DLG2: variants seen among roughly 807,000 people sequenced by gnomAD.
The protein encoded by DLG2 is disks large homolog 2.
In DLG2, 45 loss-of-function variants were observed where a neutral mutation model predicts 132.5. That is an observed-to-expected ratio of 0.34 (90% CI 0.27 to 0.44). DLG2 has a LOEUF of 0.44. Ranked by LOEUF, DLG2 falls within the 20% of genes least tolerant of loss-of-function variation. The pLI is 1.00. For missense variants in DLG2, 1,045 were observed against 1,196.9 expected, an observed-to-expected ratio of 0.87 and a Z score of 1.87; for synonymous variants, 424 against 419.6, an observed-to-expected ratio of 1.01 and a Z score of -0.13.
intron 6 of DLG2, among the ~76,000 whole-genome samples, chr11:84,845,974 A>G (rs925251157): frequency 1.3e-5 from 2 of 151,692 alleles, no homozygotes; most frequent in African/African-American, 4.8e-5. Context: ...CAGGCCTGAT[A>G]TTTACTCTTT....
chr11:85,362,383 T>C (rs1016131859), intron 3 of DLG2, among the ~76,000 whole-genome samples: 2 of 152,228 alleles, frequency 1.3e-5, no homozygotes, highest in Non-Finnish European at 2.9e-5. Flanking sequence ...CTATTGTTAA[T>C]GAGATTGCCT....
chr11:85,105,409 A>T (rs1286042482), intron 6 of DLG2, among the ~76,000 whole-genome samples: 1 of 151,934 alleles, frequency 6.6e-6, no homozygotes, highest in Non-Finnish European at 1.5e-5. Context: ...AGAGCAACAT[A>T]TCTATTCTAT....
At chr11:84,835,360 C>T (rs1245861455) in intron 6 of DLG2, among the ~76,000 whole-genome samples, 1 of 151,590 alleles carries the variant, frequency 6.6e-6, no homozygotes, top group Non-Finnish European at 1.5e-5. Context: ...ATGATAGATG[C>T]AAATTTGGGT....
intron 3 of DLG2, among the ~76,000 whole-genome samples, chr11:85,451,173 T>A (rs1324351877): frequency 6.6e-6 from 1 of 152,182 alleles, no homozygotes. Context: ...ACCTACTTAT[T>A]ATTGTCAAAA....
At chr11:84,259,172 G>A (rs2097520385) in intron 7 of DLG2, among the ~76,000 whole-genome samples, 1 of 151,542 alleles carries the variant, frequency 6.6e-6, no homozygotes, top group African/African-American at 2.4e-5. Flanking sequence ...TTGGGAGGCT[G>A]AGGCAGGAGA....
At chr11:84,631,271 A>T (rs1363974289) in intron 6 of DLG2, among the ~76,000 whole-genome samples, 1 of 150,172 alleles carries the variant, frequency 6.7e-6, no homozygotes. Context: ...CATAAAAAAA[A>T]ATCTAATCCA....
At chr11:84,689,229 C>T (rs2057727930) in intron 6 of DLG2, among the ~76,000 whole-genome samples, 1 of 152,034 alleles carries the variant, frequency 6.6e-6, no homozygotes, top group Admixed American at 6.6e-5. Flanking sequence ...GTGACATTTA[C>T]TAGTATTTCT....
rs1327052416 is a variant in DLG2, at chr11:84,989,263, AC to A, written c.357+122397del. On this transcript the variant is annotated intron_variant, in intron 6 of 27. Transcript: ENST00000376104. ...TAATCTCAGCTCACTGCAACCTCTGACCCCCAGGTTCAAGCAATTCTCCTGT... is the reference window on the plus strand; with the variant it reads ...TAATCTCAGCTCACTGCAACCTCTGACCCCAGGTTCAAGCAATTCTCCTGT... Among the ~76,000 whole-genome samples the A allele has an allele frequency of 2.0e-5, 3 of 151,802 alleles. No individual in the cohort carries two copies. In the East Asian group the frequency reaches 5.8e-4, roughly 29 times the overall value.
At chr11:84,405,377 A>T (rs2098845090) in intron 7 of DLG2, among the ~76,000 whole-genome samples, 1 of 152,120 alleles carries the variant, frequency 6.6e-6, no homozygotes, top group African/African-American at 2.4e-5. Context: ...TCTCTGCCTG[A>T]CATGCTCTAT....
intron 7 of DLG2, among the ~76,000 whole-genome samples, chr11:84,438,727 A>G (rs2099008664): frequency 6.6e-6 from 1 of 152,248 alleles, no homozygotes; most frequent in African/African-American, 2.4e-5. Flanking sequence ...ATAAGGTTTT[A>G]GCCCTTTGCC....
intron 6 of DLG2, among the ~76,000 whole-genome samples, chr11:84,862,207 AAAT>A (rs1026132070): frequency 6.4e-4 from 97 of 152,204 alleles, no homozygotes; most frequent in Admixed American, 5.9e-3. Flanking sequence ...AAAAAATAAA[AAAT>A]AAAAAGAAAA....
intron 6 of DLG2, among the ~76,000 whole-genome samples, chr11:84,588,712 G>A (rs2099535613): frequency 6.7e-6 from 1 of 149,538 alleles, no homozygotes; most frequent in African/African-American, 2.5e-5. Context: ...TTGCTGATAA[G>A]ACAGGTTGCA....
chr11:84,093,048 AAAG>A (rs1376539956), intron 10 of DLG2, among the ~76,000 whole-genome samples: 9 of 148,440 alleles, frequency 6.1e-5, no homozygotes, highest in African/African-American at 1.2e-4. Context: ...AAAAAAAAAA[AAAG>A]AAAGAAAGAA....
chr11:84,291,802 G>A (rs1463984543), intron 7 of DLG2, among the ~76,000 whole-genome samples: 1 of 152,188 alleles, frequency 6.6e-6, no homozygotes, highest in Admixed American at 6.5e-5. Flanking sequence ...GTCTCACACA[G>A]TTGTTGTGTA....
chr11:84,293,728 A>T (rs767953621), intron 7 of DLG2, among the ~76,000 whole-genome samples: 3 of 152,144 alleles, frequency 2.0e-5, no homozygotes, highest in African/African-American at 4.8e-5. Context: ...GATGGGTAAA[A>T]ACTTCATATA....
chr11:84,640,545 G>A (rs1281975089), intron 6 of DLG2: 1 of 328,522 alleles, frequency 3.0e-6, no homozygotes, highest in Admixed American at 3.9e-5. Context: ...AAAAGGAACA[G>A]TTCTGCAGGA....
intron 6 of DLG2, among the ~76,000 whole-genome samples, chr11:84,600,106 G>T (rs1307153164): frequency 6.8e-6 from 1 of 146,124 alleles, no homozygotes; most frequent in Non-Finnish European, 1.5e-5. Flanking sequence ...AAGTAAGAAG[G>T]AAGGAAGGAA....
At chr11:85,127,111 G>A (rs965693566) in intron 5 of DLG2, among the ~76,000 whole-genome samples, 5 of 152,046 alleles carry the variant, frequency 3.3e-5, no homozygotes, top group Non-Finnish European at 7.4e-5. Context: ...TCAACTTCAT[G>A]ATATTTGTGA....
rs78626438 is a variant in DLG2 at position 84,023,554 on chromosome 11, T to C, written c.919+35761A>G. Reference sequence around the variant, plus strand: ...TTTCTACTTCTACTCTATATAATAGTACAGTTGGCCATTCAATAACATGGG... The same window carrying C: ...TTTCTACTTCTACTCTATATAATAGCACAGTTGGCCATTCAATAACATGGG... On this transcript the variant is annotated intron_variant, in intron 11 of 27. Coordinates refer to ENST00000376104, the MANE Select transcript of DLG2 (RefSeq NM_001142699.3). Among the ~76,000 whole-genome samples the C allele has an allele frequency of 6.3e-3, 953 of 152,272 alleles. 8 individuals carry two copies. Among genetic ancestry groups the C allele is most frequent in the Non-Finnish European group, 0.011 (716 of 68,000 alleles).
Sources: gnomAD v4.1 joint callset for allele counts (sites outside exome capture counted in the v4.1 genomes callset) on GRCh38, gnomAD v4.1.1 for gene constraint, MANE v1.5 for transcripts, NCBI Gene and HGNC (gene_info 2026-07-23, HGNC 2026-07-21) for gene names.